EXOC1: variants seen among roughly 807,000 people sequenced by gnomAD.
EXOC1 encodes the protein exocyst complex component 1.
Under a neutral mutation model 107.7 loss-of-function variants are expected in EXOC1, and 67 were observed. That is an observed-to-expected ratio of 0.62 (90% CI 0.51 to 0.76). The LOEUF (loss-of-function observed/expected upper bound fraction) is 0.76, where lower values mean the gene tolerates loss of function less well. Among genes scored for constraint, EXOC1 ranks in the 30% least tolerant of loss-of-function variants. The pLI, the probability that EXOC1 is intolerant of heterozygous loss-of-function variation, is 0.00. For missense variants in EXOC1, 833 were observed against 1,055.7 expected (o/e 0.79, Z 2.92); for synonymous variants, 348 against 353.5 (o/e 0.98, Z 0.17).
chr4:55,883,741 C>A, intron 9 of EXOC1, 82 bp from the exon 10 acceptor site: 2 of 769,660 alleles, frequency 2.6e-6, no homozygotes, highest in South Asian at 2.3e-5. Flanking sequence ...TTAAAACAAG[C>A]ATGAAGGACT....
At chr4:55,880,700 C>T (rs940838149) in intron 9 of EXOC1, among the ~76,000 whole-genome samples, 11 of 152,228 alleles carry the variant, frequency 7.2e-5, no homozygotes, top group Admixed American at 1.3e-4. Context: ...ATGCAGTATT[C>T]ATGAATGTAA....
At position 55,868,508 on chromosome 4, in the gene EXOC1, G is replaced by T. The variant is rs761674429; in HGVS notation, c.588G>T (p.Leu196=). ...TTGCAGAAAAATTGTCCAGAGAGCT[G>T]CAGGTGCTAGATGGGGTAAGACTTT... is the stretch of plus-strand genomic sequence containing the variant. ...EAFAEKLSRE[L]QVLDGANIQS... The change falls in exon 5 of 19, where the codon CTG becomes CTT. Residue 196 remains leucine, a synonymous_variant. Coordinates refer to ENST00000381295, the MANE Select transcript of EXOC1 (RefSeq NM_001024924.2). 3 of 1,613,512 alleles carry T rather than the reference G, an allele frequency of 1.9e-6. No homozygotes were observed. The highest frequency in any genetic ancestry group is 4.5e-5 in the East Asian group (2 of 44,854).
intron 10 of EXOC1, among the ~76,000 whole-genome samples, chr4:55,887,052 G>C (rs1723954487): frequency 6.6e-6 from 1 of 152,108 alleles, no homozygotes; most frequent in African/African-American, 2.4e-5. Flanking sequence ...CCACAGGATT[G>C]ATGTTTCAGT....
chr4:55,860,395 G>A lies in EXOC1; in HGVS notation c.125-16G>A, dbSNP rs1303493089. ...GGGGTAATATTTCTAATAAAAGTGT[G>A]CGTTTTACTCAACAGTGACAACTGA... On this transcript the variant is annotated splice_polypyrimidine_tract_variant and intron_variant, in intron 2 of 18. Coordinates refer to ENST00000381295, the MANE Select transcript of EXOC1 (RefSeq NM_001024924.2). 1 of 1,612,754 alleles carries A rather than the reference G, an allele frequency of 6.2e-7. No homozygotes were observed. Among genetic ancestry groups the A allele is most frequent in the East Asian group, 2.2e-5 (1 of 44,812 alleles).
At chr4:55,883,386 A>AT (rs1287424706) in intron 9 of EXOC1, 2 of 152,358 alleles carry the variant, frequency 1.3e-5, no homozygotes, top group Admixed American at 6.5e-5. Flanking sequence ...TTATTGTAAC[A>AT]TTGTCTATCA....
At chr4:55,855,153 TA>T (rs1440337704) in intron 1 of EXOC1, among the ~76,000 whole-genome samples, 1 of 152,350 alleles carries the variant, frequency 6.6e-6, no homozygotes, top group East Asian at 1.9e-4. Context: ...AAACGTTGAG[TA>T]AAAGCGTGAT....
chr4:55,899,931 A>G (rs1382193852), intron 17 of EXOC1, 47 bp downstream of exon 17: 1 of 1,503,964 alleles, frequency 6.6e-7, no homozygotes, highest in Non-Finnish European at 9.1e-7. Flanking sequence ...GAACCTATAC[A>G]CATAAGTTTG....
In EXOC1 at chr4:55,892,699, C is replaced by G. The variant is rs1453109859; in HGVS notation, c.1712C>G (p.Pro571Arg). The G allele has an allele frequency of 6.2e-7, 1 of 1,613,982 alleles. No homozygotes were observed. The highest frequency in any genetic ancestry group is 2.2e-5 in the East Asian group (1 of 44,874). ...CAACATAATTGTGGCACACCACTGC[C>G]TGTTTCATCTGAGTATGTCTTTGTT... ...SRQHNCGTPL[P>R]VSSEKDMIRQ... Residue 571 changes from proline to arginine, a missense_variant, in exon 14 of 19, where the codon CCT becomes CGT. Coordinates refer to ENST00000381295, the MANE Select transcript of EXOC1 (RefSeq NM_001024924.2).
intron 2 of EXOC1, among the ~76,000 whole-genome samples, chr4:55,858,828 G>A (rs1207996412): frequency 6.6e-6 from 1 of 152,026 alleles, no homozygotes. Context: ...ACCTTTTGTT[G>A]GTTGTATGCA....
At chr4:55,856,251 G>A (rs749802203) in intron 1 of EXOC1, among the ~76,000 whole-genome samples, 80 of 152,308 alleles carry the variant, frequency 5.3e-4, no homozygotes, top group Admixed American at 2.4e-3. Context: ...TATGGAGATT[G>A]ATAAAAACAA....
chr4:55,897,060 T>C (rs774438216), intron 16 of EXOC1, among the ~76,000 whole-genome samples, 160 bp downstream of exon 16: 3 of 152,198 alleles, frequency 2.0e-5, no homozygotes, highest in Non-Finnish European at 4.4e-5. Flanking sequence ...ATAAAACCTA[T>C]TTGTATTCAT....
intron 10 of EXOC1, among the ~76,000 whole-genome samples, chr4:55,886,575 C>CAAAAAAAAA (rs71832369): frequency 2.1e-5 from 2 of 96,206 alleles, no homozygotes; most frequent in Non-Finnish European, 2.3e-5. Context: ...AACAAAAAAA[C>CAAAAAAAAA]AAAAAAAAAA....
chr4:55,890,193 C>T (rs1297383800), intron 11 of EXOC1, 30 bp from the exon 12 acceptor site: 2 of 1,607,610 alleles, frequency 1.2e-6, no homozygotes, highest in Non-Finnish European at 1.7e-6. Flanking sequence ...TTGTGAAGAT[C>T]ACAACTTTCA....
At position 55,882,119 on chromosome 4, in the gene EXOC1, A is replaced by G. The variant is rs1422415613; in HGVS notation, c.1225-1704A>G. ...GGGTTTTTGTTGTTGTTGTTGTTGT[A>G]TTGTGTTTTGTTTTGTTTTTGTTTT... On this transcript the variant is annotated intron_variant, in intron 9 of 18. Transcript: ENST00000381295. Among the ~76,000 whole-genome samples, 4 of 94,602 alleles carry G rather than the reference A, an allele frequency of 4.2e-5. 1 individual carries two copies. The highest frequency in any genetic ancestry group is 6.6e-4 in the South Asian group (2 of 3,044). The allele number at this position is 94,602 out of a possible 152,430, so 62.1% of individuals were successfully genotyped here.
intron 7 of EXOC1, 86 bp downstream of exon 7, chr4:55,871,319 A>G (rs965144517): frequency 8.8e-6 from 13 of 1,479,752 alleles, no homozygotes; most frequent in East Asian, 2.3e-5. Context: ...CAAGAAATAC[A>G]TGAGACAAGT....
At chr4:55,858,222 TA>T in intron 1 of EXOC1, 91 bp from the exon 2 acceptor site, 1 of 1,345,354 alleles carries the variant, frequency 7.4e-7, no homozygotes, top group Non-Finnish European at 9.9e-7. Flanking sequence ...CTAGGCTTGT[TA>T]ACCAAAAATT....
intron 15 of EXOC1, among the ~76,000 whole-genome samples, chr4:55,894,254 A>C (rs1724921927): frequency 6.6e-6 from 1 of 151,282 alleles, no homozygotes; most frequent in Non-Finnish European, 1.5e-5. Context: ...GAACCTGTGA[A>C]GTGGAGGTTG....
intron 4 of EXOC1, among the ~76,000 whole-genome samples, chr4:55,865,264 A>T (rs1721853184): frequency 6.6e-6 from 1 of 152,196 alleles, no homozygotes; most frequent in African/African-American, 2.4e-5. Flanking sequence ...CTCTACCATT[A>T]ATTAGTGAAA....
chr4:55,891,175 G>C, intron 12 of EXOC1, 140 bp from the exon 13 acceptor site: 1 of 602,828 alleles, frequency 1.7e-6, no homozygotes, highest in Non-Finnish European at 2.9e-6. Context: ...TTGTTTTTGG[G>C]ATTCCATTGA....
Sources: allele counts gnomAD v4.1 joint callset (sites outside exome capture counted in the v4.1 genomes callset), GRCh38; gene constraint gnomAD v4.1.1; transcripts MANE v1.5; gene names NCBI Gene and HGNC (gene_info 2026-07-23, HGNC 2026-07-21).